CSF1: variants seen among roughly 807,000 people sequenced by gnomAD.
CSF1 encodes macrophage colony-stimulating factor 1.
CSF1 carries 9 observed loss-of-function variants against 48.9 expected under a neutral mutation model. The observed-to-expected ratio is 0.18, with a 90% CI of 0.11 to 0.32. The LOEUF is 0.32. Ranked by LOEUF, CSF1 falls within the 10% of genes least tolerant of loss-of-function variation. The pLI is 1.00. For missense variants in CSF1, 672 were observed against 697.9 expected, an observed-to-expected ratio of 0.96 and a Z score of 0.42; for synonymous variants, 305 against 284.1, an observed-to-expected ratio of 1.07 and a Z score of -0.74.
chr1:109,924,030 G>T lies in CSF1; in HGVS notation c.1409G>T (p.Arg470Leu). Reference protein sequence around the residue: ...ASEGAARPLPRFNSVPLTDTG... With the variant: ...ASEGAARPLPLFNSVPLTDTG... ...GAAGGGGCAGCCAGGCCCCTGCCCC[G>T]TTTTAACTCCGTTCCTTTGACTGAC... The change falls in exon 6 of 9, where the codon CGT becomes CTT. Residue 470 changes from arginine to leucine, a missense_variant. Physicochemically the swap from Arg to Leu is moderately radical, Grantham distance 102. Transcript: ENST00000329608. The T allele has an allele frequency of 6.2e-7, 1 of 1,614,216 alleles. No individual in the cohort carries two copies. The highest frequency in any genetic ancestry group is 1.1e-5 in the South Asian group (1 of 91,090).
chr1:109,921,635 G>A (rs1186676875), intron 4 of CSF1, among the ~76,000 whole-genome samples: 3 of 152,186 alleles, frequency 2.0e-5, no homozygotes, highest in Non-Finnish European at 4.4e-5. Flanking sequence ...CCATATGCCT[G>A]GCACATAAAC....
chr1:109,924,282 G>A, intron 6 of CSF1, 92 bp downstream of exon 6: 1 of 1,147,424 alleles, frequency 8.7e-7, no homozygotes, highest in Non-Finnish European at 1.2e-6. Flanking sequence ...CTTGGGTGCG[G>A]CCTGAGTTCT....
rs1647710226 is a variant in CSF1, at chr1:109,923,955, G to A, written c.1334G>A (p.Ser445Asn). The A allele has an allele frequency of 7.4e-6, 12 of 1,614,172 alleles. No homozygotes were observed. Among genetic ancestry groups the A allele is most frequent in the Admixed American group, 5.0e-5 (3 of 60,034 alleles). Reference sequence around the variant, plus strand: ...CTTGGGGAGCTGGAGGGCAGGAGGAGCACCAGGGATCGGAGGAGCCCCGCA... The same window carrying A: ...CTTGGGGAGCTGGAGGGCAGGAGGAACACCAGGGATCGGAGGAGCCCCGCA... Reference protein sequence around the residue: ...LPLGELEGRRSTRDRRSPAEP... With the variant: ...LPLGELEGRRNTRDRRSPAEP... The change falls in exon 6 of 9, where the codon AGC becomes AAC. Residue 445 changes from serine (S) to asparagine (N), a missense_variant. Physicochemically the swap from Ser to Asn is conservative, Grantham distance 46 (BLOSUM62 1). Around this residue, in one of 3 missense-constraint regions of CSF1, gnomAD observed 591 missense variants for 593.6 expected, o/e 1.00. Coordinates refer to ENST00000329608, the MANE Select transcript of CSF1 (RefSeq NM_000757.6).
intron 4 of CSF1, among the ~76,000 whole-genome samples, chr1:109,918,202 C>G (rs1027313778): frequency 2.0e-5 from 3 of 152,144 alleles, no homozygotes; most frequent in African/African-American, 7.2e-5. Flanking sequence ...AAAAGCTATG[C>G]ACAAAGCCCT....
intron 4 of CSF1, 107 bp downstream of exon 4, chr1:109,917,570 A>T: frequency 1.8e-6 from 2 of 1,116,072 alleles, no homozygotes; most frequent in Non-Finnish European, 2.6e-6. Flanking sequence ...GCCTCACGCC[A>T]TTGCTTGCTC....
At chr1:109,919,335 T>G (rs1415535914) in intron 4 of CSF1, among the ~76,000 whole-genome samples, 1 of 152,210 alleles carries the variant, frequency 6.6e-6, no homozygotes, top group Non-Finnish European at 1.5e-5. Flanking sequence ...CCTCCCAGGC[T>G]CAATTGATCC....
chr1:109,913,821 C>T (rs145045483), intron 1 of CSF1, among the ~76,000 whole-genome samples: 67 of 152,328 alleles, frequency 4.4e-4, no homozygotes, highest in Admixed American at 1.1e-3. Flanking sequence ...CTCTGGCTTG[C>T]CATCTGAAAG....
In CSF1 at chr1:109,923,575, C is replaced by T. The variant is rs144253836; in HGVS notation, c.954C>T (p.Pro318=). ...GAGAGGCCAGTGAGATTCCCGTACC[C>T]CAAGGGACAGAGCTTTCCCCCTCCA... ...ASGEASEIPV[P]QGTELSPSRP... is the part of the protein sequence containing the mutation. Residue 318 remains proline, a synonymous_variant, in exon 6 of 9, where the codon CCC becomes CCT. Transcript: ENST00000329608. 3.1e-6 allele frequency: 5 copies of T among 1,614,058 alleles called. No individual in the cohort carries two copies. The African/African-American group carries it at 6.7e-5, about 22-fold the overall frequency.
At chr1:109,917,759 C>T (rs1471595230) in intron 4 of CSF1, among the ~76,000 whole-genome samples, 1 of 152,168 alleles carries the variant, frequency 6.6e-6, no homozygotes, top group East Asian at 1.9e-4. Context: ...GAATTACAAA[C>T]TATAAGGACT....
At chr1:109,917,989 G>A (rs914223380) in intron 4 of CSF1, among the ~76,000 whole-genome samples, 2 of 152,198 alleles carry the variant, frequency 1.3e-5, no homozygotes, top group Non-Finnish European at 2.9e-5. Flanking sequence ...AGTAAACCAG[G>A]GATGAGACGA....
At chr1:109,917,177 T>A (rs534784288) in intron 3 of CSF1, 116 bp from the exon 4 acceptor site, 15 of 1,060,812 alleles carry the variant, frequency 1.4e-5, no homozygotes, top group African/African-American at 4.8e-5. Context: ...GCTGGCATGG[T>A]GTGGTCCCTC....
chr1:109,918,244 G>C (rs1570792607), intron 4 of CSF1, among the ~76,000 whole-genome samples: 1 of 152,188 alleles, frequency 6.6e-6, no homozygotes, highest in Non-Finnish European at 1.5e-5. Flanking sequence ...GCACATTCAG[G>C]GACCCAAAGG....
intron 1 of CSF1, among the ~76,000 whole-genome samples, chr1:109,911,862 G>C (rs1039339759): frequency 6.6e-6 from 1 of 152,218 alleles, no homozygotes; most frequent in Admixed American, 6.5e-5. Flanking sequence ...TCCTGACTGC[G>C]TAAGGGACGC....
chr1:109,917,826 A>G (rs1416728264), intron 4 of CSF1, among the ~76,000 whole-genome samples: 3 of 152,222 alleles, frequency 2.0e-5, no homozygotes. Flanking sequence ...ACACTGTTCT[A>G]GACACCAGGA....
At chr1:109,916,693 A>G (rs951478791) in intron 3 of CSF1, among the ~76,000 whole-genome samples, 4 of 152,216 alleles carry the variant, frequency 2.6e-5, no homozygotes, top group African/African-American at 4.8e-5. Context: ...AGATCACCTC[A>G]TGGTCCAAAG....
intron 4 of CSF1, among the ~76,000 whole-genome samples, chr1:109,919,682 G>A (rs1160091648): frequency 2.0e-5 from 3 of 150,620 alleles, no homozygotes. Flanking sequence ...CTCCAGGGCC[G>A]GGCGCGGTGG....
Position 109,923,298 on chromosome 1 carries a change from C to T in CSF1, c.677C>T (p.Ser226Phe). The T allele has an allele frequency of 1.9e-6, 3 of 1,612,818 alleles. No individual in the cohort carries two copies. Among genetic ancestry groups the T allele is most frequent in the Non-Finnish European group, 2.5e-6 (3 of 1,179,366 alleles). Residue 226 changes from serine (S) to phenylalanine (F), a missense_variant, in exon 6 of 9, where the codon TCT (serine) becomes TTT (phenylalanine). Physicochemically the swap from Ser to Phe is radical, Grantham distance 155. Transcript: ENST00000329608. Reference sequence around the variant, plus strand: ...GTGGCTGGCTTGACCTGGGAGGACTCTGAGGGAACTGAGGGCAGCTCCCTC... The same window carrying T: ...GTGGCTGGCTTGACCTGGGAGGACTTTGAGGGAACTGAGGGCAGCTCCCTC... ...APVAGLTWED[S>F]EGTEGSSLLP...
rs927709121 is a variant in CSF1 at position 109,914,524 on chromosome 1, C to T, written c.162+143C>T. 9 of 975,358 alleles carry T rather than the reference C, an allele frequency of 9.2e-6. No homozygotes were observed. The African/African-American group carries it at 1.0e-4, about 11-fold the overall frequency. 60.4% of individuals were successfully genotyped at this position (975,358 alleles called of 1,614,324 possible). ...TGCTTGTGGTTCCCACTAGCTCCAC[C>T]AGTGATACCCTTCACTAACCTTCCC... is the stretch of plus-strand genomic sequence containing the variant. On this transcript the variant is annotated intron_variant, in intron 2 of 8. Coordinates refer to ENST00000329608, the MANE Select transcript of CSF1 (RefSeq NM_000757.6).
Position 109,914,361 on chromosome 1 carries a change from C to T in CSF1, c.142C>T (p.Leu48=), listed in dbSNP as rs1654809949. The change falls in exon 2 of 9, where the codon CTG becomes TTG. Residue 48 remains leucine, a synonymous_variant. Transcript: ENST00000329608. ...YCSHMIGSGH[L]QSLQRLIDSQ... is the part of the protein sequence containing the mutation. ...TAGCCACATGATTGGGAGTGGACACCTGCAGTCTCTGCAGCGGCTGGTGAG... is the reference window on the plus strand; with the variant it reads ...TAGCCACATGATTGGGAGTGGACACTTGCAGTCTCTGCAGCGGCTGGTGAG... 1.2e-6 allele frequency: 2 copies of T among 1,602,750 alleles called. No individual in the cohort carries two copies. Among genetic ancestry groups the T allele is most frequent in the South Asian group, 1.1e-5 (1 of 87,988 alleles).
Sources: gnomAD v4.1 joint callset for allele counts (sites outside exome capture counted in the v4.1 genomes callset) on GRCh38, gnomAD v4.1.1 for gene constraint, gnomAD v4.1.1 regional missense constraint, MANE v1.5 for transcripts, NCBI Gene and HGNC (gene_info 2026-07-23, HGNC 2026-07-21) for gene names.